Variants in SETBP1 observed in about 807,000 individuals in gnomAD.
The protein encoded by SETBP1 is SET binding protein 1.
A neutral mutation model predicts 101.0 loss-of-function variants in SETBP1; 9 were observed. That is an observed-to-expected ratio of 0.09 (90% CI 0.05 to 0.16). The LOEUF is 0.16. Among genes scored for constraint, SETBP1 ranks in the 10% least tolerant of loss-of-function variants. The pLI, the probability that SETBP1 is intolerant of heterozygous loss-of-function variation, is 1.00. For missense variants in SETBP1, 1,858 were observed against 2,033.8 expected, an observed-to-expected ratio of 0.91 and a Z score of 1.66; for synonymous variants, 818 against 788.5, an observed-to-expected ratio of 1.04 and a Z score of -0.63.
chr18:44,944,211 A>G (rs1156684382), intron 3 of SETBP1, among the ~76,000 whole-genome samples: 1 of 152,096 alleles, frequency 6.6e-6, no homozygotes, highest in Non-Finnish European at 1.5e-5. Flanking sequence ...CTACACAGGG[A>G]ATTATGTTAG....
rs546042444 is a variant in SETBP1 at position 44,869,732 on chromosome 18, A to G, written c.540+449A>G. ...GTTAATCTCAGACTCCTGCAGAGGC[A>G]GACAGTTGAGGTTTGCTGATCTTGG... On this transcript the variant is annotated intron_variant, in intron 3 of 5. Coordinates refer to ENST00000649279, the MANE Select transcript of SETBP1 (RefSeq NM_015559.3). 5.4e-5 allele frequency: 15 copies of G among 275,476 alleles called. No individual in the cohort carries two copies. In the South Asian group the frequency reaches 5.7e-4, roughly 11 times the overall value. 17.1% of individuals were successfully genotyped at this position (275,476 alleles called of 1,614,324 possible). A position where few individuals can be genotyped will look rare whatever the true frequency, so the allele number is the denominator to read the frequency against.
chr18:45,060,663 TC>T (rs1700857426), intron 5 of SETBP1, among the ~76,000 whole-genome samples: 1 of 152,242 alleles, frequency 6.6e-6, no homozygotes, highest in African/African-American at 2.4e-5. Flanking sequence ...TATTTCATAA[TC>T]CTTTTTTAAT....
intron 4 of SETBP1, among the ~76,000 whole-genome samples, chr18:45,030,534 T>A (rs1439013645): frequency 6.9e-6 from 1 of 145,770 alleles, no homozygotes; most frequent in Non-Finnish European, 1.5e-5. Flanking sequence ...TTAAAATGAG[T>A]TAGGGAGGAT....
At chr18:45,062,227 G>T (rs1568057827) in intron 5 of SETBP1, among the ~76,000 whole-genome samples, 1 of 152,230 alleles carries the variant, frequency 6.6e-6, no homozygotes, top group Non-Finnish European at 1.5e-5. Context: ...AAGAAGTTCG[G>T]CTCATAAAAT....
intron 2 of SETBP1, among the ~76,000 whole-genome samples, chr18:44,733,493 CTG>C (rs2069885126): frequency 6.6e-6 from 1 of 152,218 alleles, no homozygotes. Context: ...CTTGTGCACA[CTG>C]TGGAGTCTGG....
intron 2 of SETBP1, among the ~76,000 whole-genome samples, chr18:44,769,740 G>A (rs1249032003): frequency 6.6e-6 from 1 of 152,194 alleles, no homozygotes; most frequent in Non-Finnish European, 1.5e-5. Context: ...ATGCTATATA[G>A]AAGTTCATGA....
rs150220191 is a variant in SETBP1 at position 44,968,914 on chromosome 18, A to G, written c.4000+15574A>G. Among the ~76,000 whole-genome samples the G allele has an allele frequency of 5.9e-3, 899 of 152,328 alleles. 7 individuals are homozygous for G. Among genetic ancestry groups the G allele is most frequent in the Non-Finnish European group, 9.1e-3 (619 of 68,018 alleles). On this transcript the variant is annotated intron_variant, in intron 4 of 5. Transcript: ENST00000649279. ...TTTCTCACTGTTAATTTCTTTTCAC[A>G]GTTCAGAATCTCTGTTCTATTCCAT... is the stretch of plus-strand genomic sequence containing the variant.
chr18:44,929,091 C>T (rs751665564), intron 3 of SETBP1, among the ~76,000 whole-genome samples: 3 of 151,984 alleles, frequency 2.0e-5, no homozygotes, highest in African/African-American at 4.8e-5. Context: ...TTAATCCATC[C>T]GTCTTGAATT....
intron 1 of SETBP1, among the ~76,000 whole-genome samples, chr18:44,700,654 T>G (rs1453932151): frequency 6.6e-6 from 1 of 152,070 alleles, no homozygotes; most frequent in Non-Finnish European, 1.5e-5. Context: ...AAAGGTAAAA[T>G]GGTTAAGAGA....
At chr18:45,058,642 TCA>T (rs1421042234) in intron 5 of SETBP1, among the ~76,000 whole-genome samples, 9 of 152,178 alleles carry the variant, frequency 5.9e-5, no homozygotes, top group Non-Finnish European at 1.3e-4. Flanking sequence ...CTGCTATTAT[TCA>T]CACAGAGGAA....
intron 2 of SETBP1, among the ~76,000 whole-genome samples, chr18:44,719,009 C>T (rs2069525745): frequency 6.6e-6 from 1 of 152,112 alleles, no homozygotes; most frequent in Non-Finnish European, 1.5e-5. Flanking sequence ...TAGTTGAAGG[C>T]TTCCATTCTG....
intron 2 of SETBP1, among the ~76,000 whole-genome samples, chr18:44,860,256 G>A (rs2068973843): frequency 6.6e-6 from 1 of 152,164 alleles, no homozygotes; most frequent in Admixed American, 6.5e-5. Context: ...TCCTTTATTG[G>A]CTTTTTACGG....
intron 2 of SETBP1, among the ~76,000 whole-genome samples, chr18:44,753,666 C>T (rs972526896): frequency 6.6e-6 from 1 of 152,198 alleles, no homozygotes; most frequent in Non-Finnish European, 1.5e-5. Context: ...TTTAGGTGAG[C>T]ATGAGTTTCA....
At chr18:45,054,762 C>G (rs1288352641) in intron 5 of SETBP1, among the ~76,000 whole-genome samples, 1 of 152,142 alleles carries the variant, frequency 6.6e-6, no homozygotes, top group Admixed American at 6.5e-5. Flanking sequence ...TGGAATGAGT[C>G]GCCACTGTCA....
intron 3 of SETBP1, among the ~76,000 whole-genome samples, chr18:44,873,334 G>C (rs1445732027): frequency 6.6e-6 from 1 of 152,194 alleles, no homozygotes; most frequent in East Asian, 1.9e-4. Flanking sequence ...CAAAGGAGTT[G>C]TGCAGCTTAT....
intron 2 of SETBP1, among the ~76,000 whole-genome samples, chr18:44,746,018 G>A (rs2070236813): frequency 6.6e-6 from 1 of 152,170 alleles, no homozygotes; most frequent in South Asian, 2.1e-4. Flanking sequence ...GCAGGGAGAT[G>A]TGGTCAAATA....
intron 3 of SETBP1, among the ~76,000 whole-genome samples, chr18:44,873,585 C>G (rs906049276): frequency 2.0e-5 from 3 of 151,974 alleles, no homozygotes; most frequent in Non-Finnish European, 4.4e-5. Context: ...TATTCCAGAG[C>G]AGGGGAAGCA....
chr18:44,785,917 A>G (rs2071230394), intron 2 of SETBP1, among the ~76,000 whole-genome samples: 1 of 152,200 alleles, frequency 6.6e-6, no homozygotes, highest in South Asian at 2.1e-4. Flanking sequence ...TCAAAGCATT[A>G]TCTTATGCAA....
chr18:45,043,618 C>G (rs1242244283), intron 5 of SETBP1, among the ~76,000 whole-genome samples: 1 of 152,138 alleles, frequency 6.6e-6, no homozygotes, highest in African/African-American at 2.4e-5. Flanking sequence ...TTAAAACTAC[C>G]AGAGCCCATG....
Sources: gnomAD v4.1 joint callset for allele counts (sites outside exome capture counted in the v4.1 genomes callset) on GRCh38, gnomAD v4.1.1 for gene constraint, MANE v1.5 for transcripts, NCBI Gene and HGNC (gene_info 2026-07-23, HGNC 2026-07-21) for gene names.